Variants in FLI1 observed in about 807,000 individuals in gnomAD.
FLI1 encodes Fli-1 proto-oncogene, ETS transcription factor.
FLI1 carries 13 observed loss-of-function variants against 53.1 expected under a neutral mutation model. The observed-to-expected ratio is 0.24, with a 90% CI of 0.16 to 0.39. The LOEUF (loss-of-function observed/expected upper bound fraction) is 0.39, where lower values mean the gene tolerates loss of function less well. Ranked by LOEUF, FLI1 falls within the 10% of genes least tolerant of loss-of-function variation. The probability of loss-of-function intolerance (pLI) is 1.00; values close to 1 mark genes in which losing one functional copy is unlikely to be tolerated. For missense variants in FLI1, 424 were observed against 600.5 expected (o/e 0.71, Z 3.07); for synonymous variants, 244 against 236.7 (o/e 1.03, Z -0.28).
chr11:128,706,265 T>C (rs952225444), intron 1 of FLI1, among the ~76,000 whole-genome samples: 1 of 152,208 alleles, frequency 6.6e-6, no homozygotes, highest in African/African-American at 2.4e-5. Flanking sequence ...CAAAGTCAGT[T>C]GAAGAAGAAA....
chr11:128,729,792 G>A (rs1411446941), intron 1 of FLI1, among the ~76,000 whole-genome samples: 1 of 152,222 alleles, frequency 6.6e-6, no homozygotes, highest in Non-Finnish European at 1.5e-5. Context: ...GTACTGGCTG[G>A]TGGGACTGTG....
chr11:128,766,940 C>T lies in FLI1; in HGVS notation c.231-1178C>T, dbSNP rs1009020103. Among the ~76,000 whole-genome samples the T allele has an allele frequency of 3.5e-4, 53 of 152,212 alleles. 1 individual carries two copies. The highest frequency in any genetic ancestry group is 1.1e-3 in the African/African-American group (45 of 41,530). ...CGATGCTTCCTGCTCAGTATAATGG[C>T]GGCTACAGCTTCTCCTTGGCCTTCC... On this transcript the variant is annotated intron_variant, in intron 2 of 8. Coordinates refer to ENST00000527786, the MANE Select transcript of FLI1 (RefSeq NM_002017.5).
At chr11:128,696,399 C>A (rs961633837) in intron 1 of FLI1, among the ~76,000 whole-genome samples, 3 of 152,184 alleles carry the variant, frequency 2.0e-5, no homozygotes, top group Non-Finnish European at 4.4e-5. Context: ...GTTTCCAGAT[C>A]CTGTTCCCAC....
intron 1 of FLI1, among the ~76,000 whole-genome samples, chr11:128,719,278 TAAA>T (rs36139999): frequency 7.3e-6 from 1 of 137,428 alleles, no homozygotes; most frequent in Non-Finnish European, 1.6e-5. Flanking sequence ...TCAGTTAGAT[TAAA>T]AAAAAAAAAA....
chr11:128,734,320 C>T (rs139665046), intron 1 of FLI1, among the ~76,000 whole-genome samples: 7 of 152,308 alleles, frequency 4.6e-5, no homozygotes, highest in Non-Finnish European at 7.3e-5. Flanking sequence ...ATCTTGGAAG[C>T]TAAGCAGGAT....
At chr11:128,737,334 G>GT (rs1251135550) in intron 1 of FLI1, among the ~76,000 whole-genome samples, 2 of 152,168 alleles carry the variant, frequency 1.3e-5, no homozygotes. Context: ...AGAAAGGAGG[G>GT]TTTTTACAAA....
chr11:128,770,341 A>G (rs1941506529), intron 3 of FLI1, among the ~76,000 whole-genome samples: 2 of 152,194 alleles, frequency 1.3e-5, no homozygotes, highest in Admixed American at 6.5e-5. Flanking sequence ...GTCCTCACAC[A>G]TTTTGGCTTC....
intron 1 of FLI1, among the ~76,000 whole-genome samples, chr11:128,703,822 G>A (rs1938436983): frequency 8.8e-6 from 1 of 113,752 alleles, no homozygotes; most frequent in African/African-American, 3.5e-5. Flanking sequence ...CAGCCTGGGT[G>A]ACAGAGCGAG....
At chr11:128,724,799 A>C (rs1335804718) in intron 1 of FLI1, among the ~76,000 whole-genome samples, 2 of 151,994 alleles carry the variant, frequency 1.3e-5, no homozygotes, top group African/African-American at 4.8e-5. Context: ...TTGTTTCTTC[A>C]CTCTCAGGTC....
chr11:128,688,573 C>T (rs1937625605), intron 1 of FLI1, among the ~76,000 whole-genome samples: 1 of 152,072 alleles, frequency 6.6e-6, no homozygotes, highest in African/African-American at 2.4e-5. Flanking sequence ...GGCCCAGGCG[C>T]CCAGGCCCCA....
At chr11:128,786,930 C>A (rs769177028) in intron 5 of FLI1, among the ~76,000 whole-genome samples, 1 of 152,198 alleles carries the variant, frequency 6.6e-6, no homozygotes, top group African/African-American at 2.4e-5. Flanking sequence ...CAGCCTGGAG[C>A]CTTTCAGGAC....
intron 5 of FLI1, among the ~76,000 whole-genome samples, chr11:128,793,025 G>T (rs553723101): frequency 4.0e-4 from 61 of 152,186 alleles, no homozygotes; most frequent in South Asian, 8.3e-4. Flanking sequence ...GGCTCAGGTG[G>T]GAGTATTGCT....
chr11:128,694,354 C>T (rs1937926201), intron 1 of FLI1, 78 bp downstream of exon 1: 3 of 1,152,152 alleles, frequency 2.6e-6, no homozygotes, highest in Non-Finnish European at 2.2e-6. Context: ...GTGCGGGGCC[C>T]GCGTCCCGGA....
At chr11:128,731,687 C>T (rs182376393) in intron 1 of FLI1, among the ~76,000 whole-genome samples, 326 of 152,254 alleles carry the variant, frequency 2.1e-3, no homozygotes, top group Middle Eastern at 0.01. Flanking sequence ...ACCTCAGAAC[C>T]GTCTCCTATT....
Position 128,812,269 on chromosome 11 carries a change from T to C in FLI1, c.*1281T>C, listed in dbSNP as rs1169468559. 4.6e-6 allele frequency: 1 copy of C among 219,518 alleles called. No homozygotes were observed. Among genetic ancestry groups the C allele is most frequent in the South Asian group, 1.8e-4 (1 of 5,418 alleles). 13.6% of individuals were successfully genotyped at this position (219,518 alleles called of 1,614,324 possible). ...GGAGAGGAGGGATTTTCCTGCTCTA[T>C]ATAAGCAACATATTTTTAGACATTA... On this transcript the variant is annotated 3_prime_UTR_variant, in exon 9 of 9. Coordinates refer to ENST00000527786, the MANE Select transcript of FLI1 (RefSeq NM_002017.5).
At chr11:128,784,326 G>T (rs996997349) in intron 5 of FLI1, among the ~76,000 whole-genome samples, 1 of 145,704 alleles carries the variant, frequency 6.9e-6, no homozygotes, top group Admixed American at 7.1e-5. Flanking sequence ...CCTTCCCTTG[G>T]CCCTTTTGTG....
chr11:128,717,505 A>AC (rs1432461126), intron 1 of FLI1, among the ~76,000 whole-genome samples: 1 of 152,102 alleles, frequency 6.6e-6, no homozygotes, highest in Non-Finnish European at 1.5e-5. Context: ...CTGAGGGTCT[A>AC]CCCCAAAGGG....
intron 3 of FLI1, among the ~76,000 whole-genome samples, chr11:128,769,256 G>A (rs529993972): frequency 7.2e-5 from 11 of 152,318 alleles, no homozygotes; most frequent in South Asian, 4.1e-4. Context: ...AAACTGCCAC[G>A]TGTAGAACTG....
intron 1 of FLI1, among the ~76,000 whole-genome samples, chr11:128,750,474 C>T (rs986447446): frequency 2.6e-5 from 4 of 152,252 alleles, no homozygotes; most frequent in Non-Finnish European, 4.4e-5. Context: ...CCTCCTCTAA[C>T]TCCACTGGAC....
Sources: gnomAD v4.1 joint callset for allele counts (sites outside exome capture counted in the v4.1 genomes callset) on GRCh38, gnomAD v4.1.1 for gene constraint, MANE v1.5 for transcripts, NCBI Gene and HGNC (gene_info 2026-07-23, HGNC 2026-07-21) for gene names.